IMMP2L: variants seen among roughly 807,000 people sequenced by gnomAD.
IMMP2L encodes inner mitochondrial membrane peptidase subunit 2.
In IMMP2L, 18 loss-of-function variants were observed where a neutral mutation model predicts 19.3. That is an observed-to-expected ratio of 0.93 (90% confidence interval 0.64 to 1.38). The LOEUF (loss-of-function observed/expected upper bound fraction) is 1.38. Among genes scored for constraint, IMMP2L ranks in the 40% most tolerant of loss-of-function variants. The probability of loss-of-function intolerance (pLI) is 0.00; values close to 1 mark genes in which losing one functional copy is unlikely to be tolerated. For synonymous variants in IMMP2L, 76 were observed against 73.0 expected (o/e 1.04, Z -0.21); for missense variants, 233 against 218.2 (o/e 1.07, Z -0.43).
chr7:111,390,121 AGTCAGTAGACAGCCGCCAG>A (rs1195541601), intron 3 of IMMP2L, among the ~76,000 whole-genome samples: 2 of 152,196 alleles, frequency 1.3e-5, no homozygotes, highest in Non-Finnish European at 2.9e-5. Flanking sequence ...TGGGCAGTGC[AGTCAGTAGACAGCCGCCAG>A]GTCAGTAGAC....
chr7:111,445,161 T>C (rs1585126789), intron 3 of IMMP2L, among the ~76,000 whole-genome samples: 3 of 152,046 alleles, frequency 2.0e-5, no homozygotes, highest in East Asian at 1.9e-4. Flanking sequence ...CTCACAATTA[T>C]CCTTCTCTAG....
intron 5 of IMMP2L, among the ~76,000 whole-genome samples, chr7:110,805,172 G>T (rs1278989759): frequency 6.6e-6 from 1 of 151,976 alleles, no homozygotes; most frequent in East Asian, 1.9e-4. Flanking sequence ...AATAAACAAA[G>T]GTGCTCAAGA....
intron 3 of IMMP2L, among the ~76,000 whole-genome samples, chr7:111,439,620 T>G (rs951932340): frequency 6.6e-6 from 1 of 151,978 alleles, no homozygotes; most frequent in Non-Finnish European, 1.5e-5. Context: ...CTTTGGCAAG[T>G]TGTAATCTTT....
intron 3 of IMMP2L, among the ~76,000 whole-genome samples, chr7:110,987,165 A>C (rs924512823): frequency 6.6e-6 from 1 of 152,308 alleles, no homozygotes; most frequent in African/African-American, 2.4e-5. Flanking sequence ...TTCAAGAAAG[A>C]AGCAGGTTGA....
At chr7:111,228,966 CGTGTGTGTGTGTGTGTGTGTGT>C (rs10530563) in intron 3 of IMMP2L, among the ~76,000 whole-genome samples, 11 of 144,050 alleles carry the variant, frequency 7.6e-5, no homozygotes, top group South Asian at 2.3e-4. Context: ...ACTAGCAATG[CGTGTGTGTGTGTGTGTGTGTGT>C]GTGTGTGTGT....
At chr7:111,016,349 A>C (rs1825534208) in intron 3 of IMMP2L, among the ~76,000 whole-genome samples, 1 of 144,066 alleles carries the variant, frequency 6.9e-6, no homozygotes, top group Non-Finnish European at 1.5e-5. Flanking sequence ...ATAATAATTT[A>C]TATATAAATT....
At chr7:111,552,139 G>A (rs1790738267) in intron 1 of IMMP2L, among the ~76,000 whole-genome samples, 1 of 152,098 alleles carries the variant, frequency 6.6e-6, no homozygotes, top group Admixed American at 6.5e-5. Flanking sequence ...ATTAAAGGGG[G>A]AGAATTCTTG....
chr7:111,258,859 T>C (rs13240464), intron 3 of IMMP2L, among the ~76,000 whole-genome samples: 52,993 of 151,944 alleles, frequency 0.35, 9,748 homozygotes, highest in South Asian at 0.61. Flanking sequence ...TCAGTACTTA[T>C]ACTTAAGTAC....
chr7:111,227,301 A>G (rs183540276), intron 3 of IMMP2L, among the ~76,000 whole-genome samples: 12 of 152,196 alleles, frequency 7.9e-5, no homozygotes, highest in African/African-American at 1.4e-4. Flanking sequence ...TCCATTTTCT[A>G]TATTTCATTT....
chr7:111,094,358 A>C (rs1354546395), intron 3 of IMMP2L, among the ~76,000 whole-genome samples: 1 of 152,150 alleles, frequency 6.6e-6, no homozygotes, highest in Admixed American at 6.6e-5. Context: ...GAAAGCTAAT[A>C]GTAGACTAAA....
intron 3 of IMMP2L, among the ~76,000 whole-genome samples, chr7:111,180,222 T>C (rs1807553250): frequency 6.6e-6 from 1 of 152,074 alleles, no homozygotes; most frequent in Admixed American, 6.6e-5. Flanking sequence ...TTTACATGCT[T>C]TCCTCACTAA....
chr7:110,787,067 T>C lies in IMMP2L; in HGVS notation c.408+99526A>G, dbSNP rs1800130041. On this transcript the variant is annotated intron_variant, in intron 5 of 5. Coordinates refer to ENST00000405709, the MANE Select transcript of IMMP2L (RefSeq NM_032549.4). ...AAAAAAAATACAATTTTATCTGACATGACAAATCAATAAGAAGTGACTTAT... is the reference window on the plus strand; with the variant it reads ...AAAAAAAATACAATTTTATCTGACACGACAAATCAATAAGAAGTGACTTAT... Among the ~76,000 whole-genome samples the C allele has an allele frequency of 1.3e-5, 2 of 152,126 alleles. 1 individual carries two copies. The highest frequency in any genetic ancestry group is 4.1e-4 in the South Asian group (2 of 4,824).
In IMMP2L at chr7:110,818,051, G is replaced by A. The variant is rs1435956320; in HGVS notation, c.408+68542C>T. Reference sequence around the variant, plus strand: ...GCATTACCATTCAGGACATAGGCATGGGCAAGGACTTCATGTCTAAAACAC... The same window carrying A: ...GCATTACCATTCAGGACATAGGCATAGGCAAGGACTTCATGTCTAAAACAC... On this transcript the variant is annotated intron_variant, in intron 5 of 5. Transcript: ENST00000405709. Among the ~76,000 whole-genome samples the A allele has an allele frequency of 2.0e-5, 3 of 152,042 alleles. No homozygotes were observed. In the South Asian group the frequency reaches 6.2e-4, roughly 32 times the overall value.
intron 3 of IMMP2L, among the ~76,000 whole-genome samples, chr7:111,380,388 A>G (rs914841822): frequency 6.6e-6 from 1 of 151,976 alleles, no homozygotes; most frequent in Admixed American, 6.6e-5. Context: ...GTGATCCTCC[A>G]CACACAGACT....
intron 3 of IMMP2L, among the ~76,000 whole-genome samples, chr7:111,340,973 A>C (rs1826953046): frequency 6.6e-6 from 1 of 152,094 alleles, no homozygotes. Context: ...CAGTGTGATA[A>C]TTACATGGAC....
intron 3 of IMMP2L, among the ~76,000 whole-genome samples, chr7:111,220,588 G>A (rs1812406380): frequency 6.6e-6 from 1 of 151,132 alleles, no homozygotes; most frequent in South Asian, 2.1e-4. Flanking sequence ...ATGGATGGAT[G>A]GATGGATGGA....
intron 3 of IMMP2L, among the ~76,000 whole-genome samples, chr7:111,268,699 C>A (rs904265700): frequency 7.0e-6 from 1 of 143,696 alleles, no homozygotes; most frequent in Non-Finnish European, 1.5e-5. Flanking sequence ...CTCAAACAAT[C>A]CTCCTCCCAC....
At chr7:111,378,087 A>G (rs1202506554) in intron 3 of IMMP2L, among the ~76,000 whole-genome samples, 1 of 152,026 alleles carries the variant, frequency 6.6e-6, no homozygotes, top group Non-Finnish European at 1.5e-5. Context: ...AACTTTAGAT[A>G]ATATAAAAAA....
chr7:111,374,298 T>TA (rs1174249209), intron 3 of IMMP2L, among the ~76,000 whole-genome samples: 1 of 152,088 alleles, frequency 6.6e-6, no homozygotes, highest in Admixed American at 6.6e-5. Context: ...TTATCTTTCC[T>TA]AGTACTGATC....
Sources: gnomAD v4.1 joint callset for allele counts (sites outside exome capture counted in the v4.1 genomes callset) on GRCh38, gnomAD v4.1.1 for gene constraint, MANE v1.5 for transcripts, NCBI Gene and HGNC (gene_info 2026-07-23, HGNC 2026-07-21) for gene names.